The following MAP2K6 variants were observed in gnomAD, a reference collection of about 807,000 sequenced individuals.
The protein encoded by MAP2K6 is dual specificity mitogen-activated protein kinase kinase 6.
Under a neutral mutation model 53.7 loss-of-function variants are expected in MAP2K6, and 16 were observed. The observed-to-expected ratio is 0.30, with a 90% CI of 0.20 to 0.45. The LOEUF (loss-of-function observed/expected upper bound fraction) is 0.45, where lower values mean the gene tolerates loss of function less well. Ranked by LOEUF, MAP2K6 falls within the 20% of genes least tolerant of loss-of-function variation. The pLI is 1.00. For synonymous variants in MAP2K6, 132 were observed against 143.1 expected, an observed-to-expected ratio of 0.92 and a Z score of 0.55; for missense variants, 204 against 411.9, an observed-to-expected ratio of 0.50 and a Z score of 4.37.
intron 1 of MAP2K6, among the ~76,000 whole-genome samples, chr17:69,456,214 T>A (rs776102008): frequency 6.6e-6 from 1 of 152,188 alleles, no homozygotes; most frequent in Non-Finnish European, 1.5e-5. Context: ...GTGTAGTTGA[T>A]CATCCTGTTT....
chr17:69,518,912 A>C (rs552067168), intron 4 of MAP2K6, among the ~76,000 whole-genome samples: 1 of 152,262 alleles, frequency 6.6e-6, no homozygotes, highest in South Asian at 2.1e-4. Flanking sequence ...GTTCCCTCCA[A>C]ATACTCTTAC....
At chr17:69,468,596 G>A (rs1416108694) in intron 1 of MAP2K6, among the ~76,000 whole-genome samples, 2 of 152,198 alleles carry the variant, frequency 1.3e-5, no homozygotes, top group African/African-American at 4.8e-5. Flanking sequence ...TGATGAACAA[G>A]GGCTGTCCTT....
intron 10 of MAP2K6, among the ~76,000 whole-genome samples, chr17:69,528,194 T>C (rs554197437): frequency 2.0e-5 from 3 of 152,156 alleles, no homozygotes; most frequent in African/African-American, 7.2e-5. Flanking sequence ...CTGTTGCTTG[T>C]GAACCTAAGA....
At chr17:69,428,199 G>T (rs1033426739) in intron 1 of MAP2K6, among the ~76,000 whole-genome samples, 2 of 152,190 alleles carry the variant, frequency 1.3e-5, no homozygotes, top group African/African-American at 4.8e-5. Context: ...AAATTGGGTG[G>T]CTTAAACCAC....
chr17:69,474,120 G>C (rs182344263), intron 1 of MAP2K6, among the ~76,000 whole-genome samples: 184 of 152,346 alleles, frequency 1.2e-3, no homozygotes, highest in African/African-American at 4.3e-3. Flanking sequence ...GTGAAGAGCT[G>C]GCTCCGTATG....
At chr17:69,437,722 A>G (rs1906694344) in intron 1 of MAP2K6, among the ~76,000 whole-genome samples, 1 of 152,226 alleles carries the variant, frequency 6.6e-6, no homozygotes, top group Non-Finnish European at 1.5e-5. Context: ...TGTACTTATT[A>G]AGGTGTTGCT....
intron 1 of MAP2K6, among the ~76,000 whole-genome samples, chr17:69,464,793 G>A (rs1907741653): frequency 2.0e-5 from 3 of 151,900 alleles, no homozygotes; most frequent in African/African-American, 7.3e-5. Context: ...TCAGCTCACT[G>A]CAACCTCTGT....
chr17:69,457,638 C>T (rs562311300), intron 1 of MAP2K6, among the ~76,000 whole-genome samples: 1 of 152,170 alleles, frequency 6.6e-6, no homozygotes, highest in African/African-American at 2.4e-5. Context: ...TAAAAACAAA[C>T]AAACAAACAA....
Position 69,484,685 on chromosome 17 carries a change from T to C in MAP2K6, c.17-21095T>C, listed in dbSNP as rs1908463016. Among the ~76,000 whole-genome samples, 5 of 152,004 alleles carry C rather than the reference T, an allele frequency of 3.3e-5. No individual in the cohort carries two copies. The South Asian group carries it at 8.3e-4, about 25-fold the overall frequency. The stretch of plus-strand genomic sequence containing the variant: ...AAAAGTGGAAACAATACATATCTGA[T>C]GAATGAATAAATAAAAGGTGGCACA... On this transcript the variant is annotated intron_variant, in intron 1 of 11. Coordinates refer to ENST00000590474, the MANE Select transcript of MAP2K6 (RefSeq NM_002758.4).
chr17:69,456,072 G>C (rs1348190950), intron 1 of MAP2K6, among the ~76,000 whole-genome samples: 1 of 152,002 alleles, frequency 6.6e-6, no homozygotes, highest in Non-Finnish European at 1.5e-5. Context: ...TGTTGGCCAG[G>C]CTGGTCTCGA....
At chr17:69,449,527 C>CT (rs1393869671) in intron 1 of MAP2K6, among the ~76,000 whole-genome samples, 1 of 108,974 alleles carries the variant, frequency 9.2e-6, no homozygotes, top group Non-Finnish European at 1.9e-5. Flanking sequence ...GTCTTTCTTT[C>CT]TTTGTCTTTC....
At chr17:69,415,897 AT>A (rs1487536554) in intron 1 of MAP2K6, among the ~76,000 whole-genome samples, 4 of 152,034 alleles carry the variant, frequency 2.6e-5, no homozygotes, top group Non-Finnish European at 4.4e-5. Flanking sequence ...TCTTTTCTTA[AT>A]TTTTGTTTTT....
intron 1 of MAP2K6, among the ~76,000 whole-genome samples, chr17:69,431,458 A>G: frequency 6.6e-6 from 1 of 152,164 alleles, no homozygotes; most frequent in Non-Finnish European, 1.5e-5. Flanking sequence ...CCATTAATGG[A>G]AAGATGCCTG....
At chr17:69,507,116 C>G (rs1909542147) in intron 2 of MAP2K6, among the ~76,000 whole-genome samples, 1 of 152,052 alleles carries the variant, frequency 6.6e-6, no homozygotes, top group Non-Finnish European at 1.5e-5. Context: ...ATGGGATATA[C>G]TTTTAAAACT....
intron 1 of MAP2K6, among the ~76,000 whole-genome samples, chr17:69,487,499 G>A (rs975133679): frequency 2.0e-5 from 3 of 152,222 alleles, no homozygotes; most frequent in Non-Finnish European, 4.4e-5. Flanking sequence ...CAGTGTAGCT[G>A]ATGGGTAACT....
At chr17:69,432,702 G>A (rs781629329) in intron 1 of MAP2K6, among the ~76,000 whole-genome samples, 1 of 151,956 alleles carries the variant, frequency 6.6e-6, no homozygotes, top group African/African-American at 2.4e-5. Context: ...ATGCATGTGG[G>A]GCTTAATACC....
intron 8 of MAP2K6, among the ~76,000 whole-genome samples, chr17:69,524,010 C>T (rs761643689): frequency 5.0e-4 from 76 of 152,128 alleles, no homozygotes; most frequent in East Asian, 5.8e-4. Context: ...AGTCCTCGCA[C>T]GGTGAAAGGG....
At chr17:69,480,770 A>AG (rs779080503) in intron 1 of MAP2K6, among the ~76,000 whole-genome samples, 66 of 152,262 alleles carry the variant, frequency 4.3e-4, no homozygotes, top group Middle Eastern at 3.4e-3. Context: ...TGGAGGTAAT[A>AG]GAAAAAAAAA....
At chr17:69,416,443 A>C (rs1166292118) in intron 1 of MAP2K6, among the ~76,000 whole-genome samples, 2 of 152,216 alleles carry the variant, frequency 1.3e-5, no homozygotes, top group Non-Finnish European at 2.9e-5. Flanking sequence ...TAGAGAAATA[A>C]TAGTTCAGAA....
Sources: gnomAD v4.1 joint callset for allele counts (sites outside exome capture counted in the v4.1 genomes callset) on GRCh38, gnomAD v4.1.1 for gene constraint, MANE v1.5 for transcripts, NCBI Gene and HGNC (gene_info 2026-07-23, HGNC 2026-07-21) for gene names.